The following PRKG2 variants were observed in gnomAD, a reference collection of about 807,000 sequenced individuals.
PRKG2 encodes the protein protein kinase cGMP-dependent 2.
A neutral mutation model predicts 97.2 loss-of-function variants in PRKG2; 33 were observed. That is an observed-to-expected ratio of 0.34 (90% CI 0.26 to 0.45). PRKG2 has a LOEUF of 0.45. Among genes scored for constraint, PRKG2 ranks in the 20% least tolerant of loss-of-function variants. The probability of loss-of-function intolerance (pLI) is 1.00; values close to 1 mark genes in which losing one functional copy is unlikely to be tolerated. For missense variants in PRKG2, 638 were observed against 900.0 expected (o/e 0.71, Z 3.73); for synonymous variants, 330 against 321.8 (o/e 1.03, Z -0.27).
At chr4:81,100,102 T>C (rs1212392406) in intron 17 of PRKG2, among the ~76,000 whole-genome samples, 2 of 151,408 alleles carry the variant, frequency 1.3e-5, no homozygotes, top group Admixed American at 6.6e-5. Flanking sequence ...TGCTCATTGG[T>C]AGGAAGAATC....
intron 6 of PRKG2, among the ~76,000 whole-genome samples, chr4:81,161,909 G>A (rs1749616179): frequency 6.6e-6 from 1 of 151,918 alleles, no homozygotes; most frequent in Admixed American, 6.6e-5. Flanking sequence ...ATACATTCCA[G>A]GGATTAGAAT....
chr4:81,209,778 C>T lies in PRKG2; in HGVS notation c.-13-4718G>A, dbSNP rs575200290. Among the ~76,000 whole-genome samples the T allele has an allele frequency of 1.4e-3, 209 of 152,052 alleles. 2 individuals are homozygous for T. The highest frequency in any genetic ancestry group is 4.8e-3 in the African/African-American group (201 of 41,474). On this transcript the variant is annotated intron_variant, in intron 1 of 18. Coordinates refer to ENST00000264399, the MANE Select transcript of PRKG2 (RefSeq NM_006259.3). Reference sequence around the variant, plus strand: ...ACTGAAAACATGTACTAAACCAACACAATATTGAAGGAGAACTGATACTGT... The same window carrying T: ...ACTGAAAACATGTACTAAACCAACATAATATTGAAGGAGAACTGATACTGT...
chr4:81,102,112 T>C (rs1408933763), intron 17 of PRKG2, among the ~76,000 whole-genome samples: 4 of 152,232 alleles, frequency 2.6e-5, no homozygotes, highest in Admixed American at 2.6e-4. Flanking sequence ...TCAGAGTCTA[T>C]ATTACATATA....
intron 7 of PRKG2, 91 bp downstream of exon 7, chr4:81,153,553 G>C (rs1748629673): frequency 3.1e-6 from 3 of 958,272 alleles, no homozygotes; most frequent in Non-Finnish European, 4.7e-6. Context: ...CAAAGTGGAG[G>C]ACCTATGTTG....
In PRKG2 at chr4:81,140,787, C is replaced by T. The variant is rs1027646746; in HGVS notation, c.1408-118G>A. On this transcript the variant is annotated intron_variant, in intron 11 of 18. Coordinates refer to ENST00000264399, the MANE Select transcript of PRKG2 (RefSeq NM_006259.3). Reference sequence around the variant, plus strand: ...AGTATGGAAGCCCTTAGCCACTTATCCCTTTGAGAACTTTCATTCAAGTGT... The same window carrying T: ...AGTATGGAAGCCCTTAGCCACTTATTCCTTTGAGAACTTTCATTCAAGTGT... 26 of 799,082 alleles carry T rather than the reference C, an allele frequency of 3.3e-5. No individual in the cohort carries two copies. The African/African-American group carries it at 4.3e-4, about 13-fold the overall frequency. The allele number at this position is 799,082 out of a possible 1,614,324, so 49.5% of individuals were successfully genotyped here. A position where few individuals can be genotyped will look rare whatever the true frequency, so the allele number is the denominator to read the frequency against.
chr4:81,128,655 C>A (rs896645660), intron 14 of PRKG2, among the ~76,000 whole-genome samples: 1 of 152,150 alleles, frequency 6.6e-6, no homozygotes, highest in Non-Finnish European at 1.5e-5. Flanking sequence ...GTTTGTATTT[C>A]TGTGGGATCA....
intron 1 of PRKG2, among the ~76,000 whole-genome samples, chr4:81,205,296 G>A (rs568516104): frequency 5.9e-5 from 9 of 151,970 alleles, no homozygotes; most frequent in Non-Finnish European, 1.0e-4. Context: ...CCCTTTGAGA[G>A]CATAAGTATC....
At chr4:81,109,490 G>A (rs1743687738) in intron 15 of PRKG2, among the ~76,000 whole-genome samples, 1 of 152,128 alleles carries the variant, frequency 6.6e-6, no homozygotes, top group Admixed American at 6.5e-5. Flanking sequence ...GTGTGTGTAT[G>A]CCCATGCATT....
At chr4:81,154,872 A>C (rs897725538) in intron 6 of PRKG2, among the ~76,000 whole-genome samples, 1 of 152,156 alleles carries the variant, frequency 6.6e-6, no homozygotes, top group Admixed American at 6.5e-5. Flanking sequence ...AAACTTTGAA[A>C]AAAATTTAGA....
chr4:81,212,067 G>A (rs1578534259), intron 1 of PRKG2, among the ~76,000 whole-genome samples: 2 of 152,232 alleles, frequency 1.3e-5, no homozygotes, highest in Admixed American at 6.5e-5. Flanking sequence ...TTGTCCTTGT[G>A]AGAAACAGCT....
intron 16 of PRKG2, among the ~76,000 whole-genome samples, 162 bp downstream of exon 16, chr4:81,105,651 C>A (rs1370331423): frequency 6.6e-6 from 1 of 151,886 alleles, no homozygotes. Context: ...CAACTAAAAC[C>A]CCCTACACTG....
chr4:81,094,775 T>TGCAGAG (rs1294314244), intron 17 of PRKG2, among the ~76,000 whole-genome samples: 1 of 151,334 alleles, frequency 6.6e-6, no homozygotes, highest in Non-Finnish European at 1.5e-5. Context: ...GTGTAGTGAA[T>TGCAGAG]GCAGAGGAAA....
chr4:81,195,900 C>A (rs769265498), intron 2 of PRKG2, among the ~76,000 whole-genome samples: 4 of 152,186 alleles, frequency 2.6e-5, no homozygotes, highest in Admixed American at 6.5e-5. Flanking sequence ...AGGAATCTCA[C>A]ACCAGAGAAG....
intron 14 of PRKG2, among the ~76,000 whole-genome samples, chr4:81,119,541 TGTCA>T (rs1351078132): frequency 1.3e-5 from 2 of 152,222 alleles, no homozygotes; most frequent in Non-Finnish European, 2.9e-5. Flanking sequence ...CATTGGGAAG[TGTCA>T]GTCCTCCAAC....
In PRKG2 at chr4:81,174,896, C is replaced by A; in HGVS notation, c.525G>T (p.Gln175His). ...TGCATTCCACCATGTCTTTGATCTG[C>A]TGAGGATCCAGTCTTTTCAGAAACT... is the stretch of plus-strand genomic sequence containing the variant. Reference protein sequence around the residue: ...KNQFLKRLDPQQIKDMVECMY... With the variant: ...KNQFLKRLDPHQIKDMVECMY... The change falls in exon 3 of 19, where the codon CAG (glutamine) becomes CAT (histidine). Residue 175 changes from glutamine to histidine, a missense_variant. Coordinates refer to ENST00000264399, the MANE Select transcript of PRKG2 (RefSeq NM_006259.3). 6.2e-7 allele frequency: 1 copy of A among 1,613,008 alleles called. No homozygotes were observed. Among genetic ancestry groups the A allele is most frequent in the East Asian group, 2.2e-5 (1 of 44,804 alleles).
chr4:81,099,934 G>A (rs562368963), intron 17 of PRKG2, among the ~76,000 whole-genome samples: 161 of 152,192 alleles, frequency 1.1e-3, no homozygotes, highest in African/African-American at 3.8e-3. Flanking sequence ...CAAAAAGAGA[G>A]CCAAATCATG....
intron 2 of PRKG2, among the ~76,000 whole-genome samples, chr4:81,191,326 C>T (rs1202383116): frequency 6.6e-6 from 1 of 152,122 alleles, no homozygotes; most frequent in South Asian, 2.1e-4. Context: ...AGCAAACTAA[C>T]ACAGGAACAG....
chr4:81,199,114 T>C lies in PRKG2; in HGVS notation c.461+5473A>G, dbSNP rs7656784. Among the ~76,000 whole-genome samples, 1,378 of 152,296 alleles carry C rather than the reference T, an allele frequency of 9.0e-3. 23 individuals are homozygous for C. Among genetic ancestry groups the C allele is most frequent in the African/African-American group, 0.031 (1,297 of 41,560 alleles). On this transcript the variant is annotated intron_variant, in intron 2 of 18. Coordinates refer to ENST00000264399, the MANE Select transcript of PRKG2 (RefSeq NM_006259.3). The stretch of plus-strand genomic sequence containing the variant: ...ACTGTCCAACTGGTAAAAGCCTGTA[T>C]ATACACTCTTAAAAATCTTTAATTA...
intron 6 of PRKG2, among the ~76,000 whole-genome samples, chr4:81,159,452 A>G (rs1350658089): frequency 3.3e-5 from 5 of 151,780 alleles, no homozygotes; most frequent in Non-Finnish European, 7.4e-5. Flanking sequence ...TAAAAAGTCA[A>G]GAAACAACAG....
Sources: gnomAD v4.1 joint callset for allele counts (sites outside exome capture counted in the v4.1 genomes callset) on GRCh38, gnomAD v4.1.1 for gene constraint, MANE v1.5 for transcripts, NCBI Gene and HGNC (gene_info 2026-07-23, HGNC 2026-07-21) for gene names.